MACROD2: variants seen among roughly 807,000 people sequenced by gnomAD.
The protein encoded by MACROD2 is mono-ADP ribosylhydrolase 2, also known as ADP-ribose glycohydrolase MACROD2.
In MACROD2, 36 loss-of-function variants were observed where a neutral mutation model predicts 70.4. That is an observed-to-expected ratio of 0.51 (90% CI 0.39 to 0.68). MACROD2 has a LOEUF of 0.68. MACROD2 is among the 30% of genes least tolerant of loss of function. MACROD2 has a pLI of 0.00. For missense variants in MACROD2, 496 were observed against 538.4 expected, an observed-to-expected ratio of 0.92 and a Z score of 0.78; for synonymous variants, 172 against 178.8, an observed-to-expected ratio of 0.96 and a Z score of 0.30.
intron 3 of MACROD2, among the ~76,000 whole-genome samples, chr20:14,259,050 C>A (rs1601408386): frequency 1.3e-5 from 2 of 152,306 alleles, no homozygotes; most frequent in South Asian, 4.1e-4. Context: ...TCAAGCAATT[C>A]CCCTGCCTCA....
chr20:15,344,367 A>G (rs1459637980), intron 6 of MACROD2, among the ~76,000 whole-genome samples: 3 of 152,136 alleles, frequency 2.0e-5, no homozygotes, highest in Non-Finnish European at 2.9e-5. Flanking sequence ...GGCATGGTTC[A>G]TTTTTGTATG....
At position 14,975,664 on chromosome 20, in the gene MACROD2, C is replaced by T. The variant is rs781199741; in HGVS notation, c.419-254276C>T. Among the ~76,000 whole-genome samples, 151 of 151,926 alleles carry T rather than the reference C, an allele frequency of 9.9e-4. 1 individual carries two copies. The highest frequency in any genetic ancestry group is 2.1e-3 in the Non-Finnish European group (145 of 67,960). ...GGGGCTTTCCATGTGTTACAGCATT[C>T]GACTCTCACGACCTCTCTAGGAGGT... On this transcript the variant is annotated intron_variant, in intron 5 of 17. Transcript: ENST00000684519.
chr20:14,216,923 T>C (rs142021782), intron 3 of MACROD2, among the ~76,000 whole-genome samples: 5 of 152,014 alleles, frequency 3.3e-5, no homozygotes, highest in African/African-American at 1.2e-4. Context: ...GTCCTTAGGG[T>C]TTTCAAGGTA....
intron 5 of MACROD2, among the ~76,000 whole-genome samples, chr20:14,820,913 G>A (rs752532962): frequency 5.9e-5 from 9 of 151,960 alleles, no homozygotes; most frequent in Non-Finnish European, 1.2e-4. Flanking sequence ...CATTATGCCC[G>A]GATGATGTGC....
intron 2 of MACROD2, among the ~76,000 whole-genome samples, chr20:14,036,086 G>A (rs1264189673): frequency 6.6e-6 from 1 of 151,738 alleles, no homozygotes; most frequent in South Asian, 2.1e-4. Flanking sequence ...AGCTTGCAGT[G>A]AGCCTAGATG....
At chr20:14,851,324 T>C (rs1393420867) in intron 5 of MACROD2, among the ~76,000 whole-genome samples, 1 of 152,060 alleles carries the variant, frequency 6.6e-6, no homozygotes, top group Non-Finnish European at 1.5e-5. Context: ...ATAAGATCAG[T>C]TTAGTTGCTA....
intron 13 of MACROD2, among the ~76,000 whole-genome samples, chr20:15,970,755 A>G (rs1156451821): frequency 6.6e-6 from 1 of 152,202 alleles, no homozygotes; most frequent in East Asian, 1.9e-4. Context: ...CTGGGTAGGA[A>G]CACTAGAAAA....
intron 3 of MACROD2, among the ~76,000 whole-genome samples, chr20:14,215,337 T>TATCTATGCCATCATATATAC (rs1166198341): frequency 7.6e-6 from 1 of 131,042 alleles, no homozygotes; most frequent in Non-Finnish European, 1.6e-5. Context: ...CCATCATATA[T>TATCTATGCCATCATATATAC]ACACACACAC....
intron 4 of MACROD2, among the ~76,000 whole-genome samples, chr20:14,540,251 A>C (rs1166827004): frequency 3.3e-5 from 5 of 152,174 alleles, no homozygotes; most frequent in African/African-American, 1.2e-4. Flanking sequence ...CTGTGACCTC[A>C]GTTACGTTTA....
chr20:14,367,041 C>T (rs1168006508), intron 3 of MACROD2, among the ~76,000 whole-genome samples: 1 of 151,920 alleles, frequency 6.6e-6, no homozygotes, highest in Non-Finnish European at 1.5e-5. Flanking sequence ...GATCCCTTTT[C>T]CATTTTCTTT....
intron 3 of MACROD2, among the ~76,000 whole-genome samples, chr20:14,094,413 CT>C (rs2054195048): frequency 6.6e-6 from 1 of 152,182 alleles, no homozygotes; most frequent in African/African-American, 2.4e-5. Flanking sequence ...TATCAAGACA[CT>C]GCTAATCTGG....
intron 2 of MACROD2, among the ~76,000 whole-genome samples, chr20:14,068,509 T>C (rs139509571): frequency 6.6e-6 from 1 of 152,250 alleles, no homozygotes; most frequent in Non-Finnish European, 1.5e-5. Context: ...GTGAAGGATA[T>C]GATAAATGTC....
chr20:14,541,176 C>T (rs1052762170), intron 4 of MACROD2, among the ~76,000 whole-genome samples: 1 of 152,132 alleles, frequency 6.6e-6, no homozygotes, highest in African/African-American at 2.4e-5. Flanking sequence ...TGTTCTTTCA[C>T]TATCAATTTG....
chr20:14,425,450 A>G (rs2083922591), intron 3 of MACROD2, among the ~76,000 whole-genome samples: 1 of 152,216 alleles, frequency 6.6e-6, no homozygotes, highest in African/African-American at 2.4e-5. Context: ...CAAGAACTAG[A>G]CATATAACAG....
rs564752738 is a variant in MACROD2, at chr20:14,805,893, T to C, written c.418+120934T>C. On this transcript the variant is annotated intron_variant, in intron 5 of 17. Transcript: ENST00000684519. The stretch of plus-strand genomic sequence containing the variant: ...TCTGTTAGGTTTAGGTTTTCATAGA[T>C]AGTCAGATCCTGACCACTTTCTCTT... Among the ~76,000 whole-genome samples, 5 of 152,208 alleles carry C rather than the reference T, an allele frequency of 3.3e-5. No homozygotes were observed. In the East Asian group the frequency reaches 9.7e-4, roughly 29 times the overall value.
intron 8 of MACROD2, among the ~76,000 whole-genome samples, chr20:15,774,846 C>T (rs1002187001): frequency 6.6e-6 from 1 of 152,092 alleles, no homozygotes; most frequent in African/African-American, 2.4e-5. Context: ...AGAACAATTA[C>T]TATATAAATG....
Position 14,784,672 on chromosome 20 carries a change from G to GT in MACROD2, c.418+99713_418+99714insT, listed in dbSNP as rs1480682700. 3.3e-5 allele frequency among the ~76,000 whole-genome samples: 4 copies of GT among 119,632 alleles called. 1 individual carries two copies. The highest frequency in any genetic ancestry group is 6.8e-5 in the Non-Finnish European group (4 of 58,408). The allele number at this position is 119,632 out of a possible 152,430, so 78.5% of individuals were successfully genotyped here. A position where few individuals can be genotyped will look rare whatever the true frequency, so the allele number is the denominator to read the frequency against. On this transcript the variant is annotated intron_variant, in intron 5 of 17. Coordinates refer to ENST00000684519, the MANE Select transcript of MACROD2 (RefSeq NM_001351661.2). ...AGAAAAGGATGGTGTTTTAAGTGGG[G>GT]GGGGGGGGGCACCAGATTCAGTTAC...
chr20:15,266,934 G>A (rs1291402748), intron 6 of MACROD2, among the ~76,000 whole-genome samples: 1 of 152,194 alleles, frequency 6.6e-6, no homozygotes, highest in Non-Finnish European at 1.5e-5. Context: ...GGGCGCGGGG[G>A]GCATGAGAAG....
chr20:15,720,989 G>A (rs2050779753), intron 8 of MACROD2, among the ~76,000 whole-genome samples: 1 of 152,086 alleles, frequency 6.6e-6, no homozygotes, highest in Non-Finnish European at 1.5e-5. Flanking sequence ...CTGAACTTTG[G>A]TCAGATATTG....
Sources: allele counts gnomAD v4.1 joint callset (sites outside exome capture counted in the v4.1 genomes callset), GRCh38; gene constraint gnomAD v4.1.1; transcripts MANE v1.5; gene names NCBI Gene and HGNC (gene_info 2026-07-23, HGNC 2026-07-21).